ARHGEF7: variants seen among roughly 807,000 people sequenced by gnomAD.
The protein encoded by ARHGEF7 is PAK-interacting exchange factor beta.
In ARHGEF7, 33 loss-of-function variants were observed where a neutral mutation model predicts 109.8. The ratio of observed to expected loss-of-function variants is 0.30; its 90% CI spans 0.23 to 0.40. The LOEUF is 0.40. Ranked by LOEUF, ARHGEF7 falls within the 10% of genes least tolerant of loss-of-function variation. ARHGEF7 has a pLI of 1.00. For missense variants in ARHGEF7, 938 were observed against 1,098.5 expected (o/e 0.85, Z 2.07); for synonymous variants, 458 against 424.6 (o/e 1.08, Z -0.97).
chr13:111,118,079 G>GCCCTGACA, intron 1 of ARHGEF7, among the ~76,000 whole-genome samples: 1 of 152,258 alleles, frequency 6.6e-6, no homozygotes, highest in Admixed American at 6.5e-5. Flanking sequence ...GTGAGCGGAG[G>GCCCTGACA]GCAAGTGGCC....
intron 19 of ARHGEF7, chr13:111,294,631 T>C: frequency 1.0e-6 from 1 of 985,442 alleles, no homozygotes; most frequent in Non-Finnish European, 1.2e-6. Context: ...GGTTAAGAAG[T>C]ATTAGTGCCA....
intron 2 of ARHGEF7, among the ~76,000 whole-genome samples, chr13:111,191,146 G>A (rs1188517377): frequency 6.6e-6 from 1 of 152,128 alleles, no homozygotes; most frequent in African/African-American, 2.4e-5. Flanking sequence ...TGTTTAGGGA[G>A]GAGGTGATGA....
chr13:111,268,525 C>T (rs547311453), intron 9 of ARHGEF7, among the ~76,000 whole-genome samples: 3 of 152,282 alleles, frequency 2.0e-5, no homozygotes, highest in East Asian at 1.9e-4. Flanking sequence ...TCAGCTTAAC[C>T]GAACATTTCC....
intron 8 of ARHGEF7, among the ~76,000 whole-genome samples, chr13:111,252,315 G>C (rs552793681): frequency 3.3e-5 from 5 of 152,324 alleles, no homozygotes; most frequent in African/African-American, 9.6e-5. Context: ...AGGATTGAGG[G>C]CCTGCCTCTA....
At position 111,115,512 on chromosome 13, in the gene ARHGEF7, T is replaced by G; in HGVS notation, c.-15T>G. 7.8e-7 allele frequency: 1 copy of G among 1,279,612 alleles called. No homozygotes were observed. The allele number at this position is 1,279,612 out of a possible 1,614,324, so 79.3% of individuals were successfully genotyped here. Reference sequence around the variant, plus strand: ...AGGCGCGCGCCCCTCCCCGCCTGCCTCCCGGGCCGCAGCGATGAATTCCGC... The same window carrying G: ...AGGCGCGCGCCCCTCCCCGCCTGCCGCCCGGGCCGCAGCGATGAATTCCGC... On this transcript the variant is annotated 5_prime_UTR_variant, in exon 1 of 22. Transcript: ENST00000646102.
intron 5 of ARHGEF7, among the ~76,000 whole-genome samples, chr13:111,230,807 G>A (rs981777880): frequency 1.1e-4 from 16 of 152,218 alleles, no homozygotes; most frequent in African/African-American, 1.9e-4. Context: ...GCAGAATTGG[G>A]AGCTCTTTTT....
At chr13:111,270,084 C>T (rs566154097) in intron 9 of ARHGEF7, among the ~76,000 whole-genome samples, 1 of 152,246 alleles carries the variant, frequency 6.6e-6, no homozygotes, top group East Asian at 1.9e-4. Context: ...GCCCTGCGAG[C>T]GCAGAATGCC....
intron 3 of ARHGEF7, among the ~76,000 whole-genome samples, chr13:111,206,205 C>T (rs1011568354): frequency 1.1e-4 from 16 of 151,234 alleles, no homozygotes; most frequent in Admixed American, 8.6e-4. Flanking sequence ...TTGTCGGGGT[C>T]GCTTCTCAGC....
intron 1 of ARHGEF7, among the ~76,000 whole-genome samples, chr13:111,139,720 A>AG (rs1343493287): frequency 6.6e-6 from 1 of 152,232 alleles, no homozygotes; most frequent in African/African-American, 2.4e-5. Context: ...CCTTAGTGAT[A>AG]GGGAGGCAGG....
At chr13:111,293,042 C>T (rs1023708919) in intron 19 of ARHGEF7, 1 of 985,454 alleles carries the variant, frequency 1.0e-6, no homozygotes, top group South Asian at 4.7e-5. Context: ...TGTTCACTCG[C>T]ATCTTCACCC....
chr13:111,221,533 C>CTA (rs559489504), intron 5 of ARHGEF7, among the ~76,000 whole-genome samples: 14,921 of 33,432 alleles, frequency 0.45, 3,395 homozygotes, highest in Middle Eastern at 0.58. Context: ...CTATATATAT[C>CTA]TATATATAGA....
rs750692753 is a variant in ARHGEF7 at position 111,243,983 on chromosome 13, A to AT, written c.854+19dup. On this transcript the variant is annotated intron_variant, in intron 7 of 21. Transcript: ENST00000646102. ...CAGTGAGAAGTAAGTTAGATGATAA[A>AT]TTGCATTAACTGTAAAATAGTCTAA... The AT allele has an allele frequency of 1.5e-5, 24 of 1,577,040 alleles. No individual in the cohort carries two copies. The Middle Eastern group carries it at 1.8e-3, about 121-fold the overall frequency.
At chr13:111,192,680 G>T (rs2080029430) in intron 2 of ARHGEF7, among the ~76,000 whole-genome samples, 2 of 152,146 alleles carry the variant, frequency 1.3e-5, no homozygotes, top group Non-Finnish European at 1.5e-5. Flanking sequence ...GTGGCCTCCA[G>T]GCGCAGTGAA....
At chr13:111,183,395 A>G (rs991614883) in intron 2 of ARHGEF7, among the ~76,000 whole-genome samples, 1 of 150,030 alleles carries the variant, frequency 6.7e-6, no homozygotes, top group African/African-American at 2.5e-5. Context: ...TTATAAGCTT[A>G]TTTTTTTCTA....
At chr13:111,227,984 A>G (rs1381045035) in intron 5 of ARHGEF7, among the ~76,000 whole-genome samples, 2 of 152,206 alleles carry the variant, frequency 1.3e-5, no homozygotes, top group African/African-American at 4.8e-5. Context: ...TCCATTCCCC[A>G]AATACTTACT....
intron 10 of ARHGEF7, among the ~76,000 whole-genome samples, chr13:111,274,261 A>G (rs1430238541): frequency 6.6e-6 from 1 of 152,230 alleles, no homozygotes; most frequent in Non-Finnish European, 1.5e-5. Flanking sequence ...ATGTGTGCAT[A>G]GGTTATAGGG....
chr13:111,292,334 G>A (rs1338801361), intron 19 of ARHGEF7, 40 bp downstream of exon 19: 2 of 1,607,184 alleles, frequency 1.2e-6, no homozygotes, highest in South Asian at 2.2e-5. Flanking sequence ...CAGAACTAAT[G>A]CACTTCTGAG....
intron 5 of ARHGEF7, among the ~76,000 whole-genome samples, chr13:111,219,301 G>A (rs760195960): frequency 3.9e-5 from 6 of 152,202 alleles, no homozygotes; most frequent in African/African-American, 7.2e-5. Flanking sequence ...TAAAGTGCTG[G>A]AGGGTTTTCC....
In ARHGEF7 at chr13:111,228,522, A is replaced by C. The variant is rs984687430; in HGVS notation, c.671-4683A>C. On this transcript the variant is annotated intron_variant, in intron 5 of 21. Coordinates refer to ENST00000646102, the MANE Select transcript of ARHGEF7 (RefSeq NM_001354046.2). This position sits in a 1 kb window ranked among gnomAD's most constrained non-coding sequence, Gnocchi z 4.6. ...GGACTGCTAACACTGTTAAGAGTCT[A>C]TACGTGGTCATTCTCTGTATGTTTA... Among the ~76,000 whole-genome samples, 19 of 152,218 alleles carry C rather than the reference A, an allele frequency of 1.2e-4. No individual in the cohort carries two copies.
Sources: gnomAD v4.1 joint callset for allele counts (sites outside exome capture counted in the v4.1 genomes callset) on GRCh38, gnomAD v4.1.1 for gene constraint, Gnocchi (gnomAD v3.1) non-coding constraint, MANE v1.5 for transcripts, NCBI Gene and HGNC (gene_info 2026-07-23, HGNC 2026-07-21) for gene names.